Variants in MYH8 observed in about 807,000 individuals in gnomAD.
MYH8 encodes the protein myosin-8.
In MYH8, 168 loss-of-function variants were observed where a neutral mutation model predicts 233.2. The ratio of observed to expected loss-of-function variants is 0.72; its 90% confidence interval spans 0.64 to 0.82. The LOEUF is 0.82. MYH8 is among the 40% of genes least tolerant of loss of function. The pLI is 0.00. For synonymous variants in MYH8, 785 were observed against 850.6 expected (o/e 0.92, Z 1.34); for missense variants, 1,995 against 2,327.8 (o/e 0.86, Z 2.94).
At chr17:10,408,262 C>T (rs1002304437) in intron 17 of MYH8, among the ~76,000 whole-genome samples, 1 of 152,014 alleles carries the variant, frequency 6.6e-6, no homozygotes, top group Non-Finnish European at 1.5e-5. Flanking sequence ...TTTTTTCCCA[C>T]AGCTCAGTTA....
At position 10,412,562 on chromosome 17, in the gene MYH8, G is replaced by A. The variant is rs759236418; in HGVS notation, c.1267-43C>T. On this transcript the variant is annotated intron_variant, in intron 13 of 39. Transcript: ENST00000403437. ...TGTTTGTTGGTATTGTTAAAGACAT[G>A]CCATGAAGGCCTGAGATGTGTGTGA... 41 of 1,614,218 alleles carry A rather than the reference G, an allele frequency of 2.5e-5. No individual in the cohort carries two copies. In the South Asian group the frequency reaches 4.2e-4, roughly 16 times the overall value.
At chr17:10,409,217 G>T in intron 16 of MYH8, 53 bp from the exon 17 acceptor site, 1 of 1,612,922 alleles carries the variant, frequency 6.2e-7, no homozygotes. Context: ...AGGCTTATAT[G>T]AACATGTATT....
intron 2 of MYH8, among the ~76,000 whole-genome samples, chr17:10,420,648 A>C (rs866101024): frequency 1.3e-4 from 20 of 152,252 alleles, no homozygotes; most frequent in African/African-American, 4.6e-4. Flanking sequence ...GTGAGAAAAG[A>C]AAGTTTGTCT....
At chr17:10,413,643 T>G (rs1417827525) in intron 12 of MYH8, among the ~76,000 whole-genome samples, 1 of 152,160 alleles carries the variant, frequency 6.6e-6, no homozygotes, top group Non-Finnish European at 1.5e-5. Context: ...AGGAGCACTA[T>G]TATATCTCAT....
intron 22 of MYH8, among the ~76,000 whole-genome samples, chr17:10,404,128 A>T (rs2072166244): frequency 2.0e-5 from 3 of 152,208 alleles, no homozygotes; most frequent in Admixed American, 1.3e-4. Context: ...ATTTAAACAA[A>T]TTCTTCAATC....
rs753703910 is a variant in MYH8 at position 10,400,842 on chromosome 17, A to T, written c.3345+27T>A. The T allele has an allele frequency of 2.5e-6, 4 of 1,613,752 alleles. No homozygotes were observed. The South Asian group carries it at 4.4e-5, about 18-fold the overall frequency. ...CAACTTCAGTGTTTTTTTGGTGTGC[A>T]GAAAAAATAGAGGTGAGATGACTCA... On this transcript the variant is annotated intron_variant, in intron 26 of 39. Coordinates refer to ENST00000403437, the MANE Select transcript of MYH8 (RefSeq NM_002472.3). This position sits in a 1 kb window ranked among gnomAD's most constrained non-coding sequence, Gnocchi z 4.0.
chr17:10,393,758 G>C (rs917184048), intron 35 of MYH8, among the ~76,000 whole-genome samples: 29 of 152,210 alleles, frequency 1.9e-4, no homozygotes, highest in African/African-American at 6.3e-4. Flanking sequence ...AAATGACTAG[G>C]GGGTGCTACT....
intron 34 of MYH8, among the ~76,000 whole-genome samples, chr17:10,394,805 G>A (rs1024475211): frequency 2.6e-5 from 4 of 152,134 alleles, no homozygotes; most frequent in Non-Finnish European, 5.9e-5. Flanking sequence ...TTTTGAAGAA[G>A]GAACAGAGGT....
chr17:10,391,222 A>G (rs1390837673), intron 39 of MYH8, among the ~76,000 whole-genome samples: 1 of 152,200 alleles, frequency 6.6e-6, no homozygotes, highest in Non-Finnish European at 1.5e-5. Context: ...GTGGGGTAAA[A>G]GATTGATGTT....
In MYH8 at chr17:10,398,653, C is replaced by G; in HGVS notation, c.3982-13G>C. 1 of 1,614,140 alleles carries G rather than the reference C, an allele frequency of 6.2e-7. No individual in the cohort carries two copies. The highest frequency in any genetic ancestry group is 8.5e-7 in the Non-Finnish European group (1 of 1,180,032). Reference sequence around the variant, plus strand: ...GGGCGTTCTTGGCCTGCAGAAGTAGCAGTTCAGTGACATAAATTCATGTAT... The same window carrying G: ...GGGCGTTCTTGGCCTGCAGAAGTAGGAGTTCAGTGACATAAATTCATGTAT... On this transcript the variant is annotated splice_polypyrimidine_tract_variant and intron_variant, in intron 29 of 39. Coordinates refer to ENST00000403437, the MANE Select transcript of MYH8 (RefSeq NM_002472.3).
chr17:10,393,005 T>C lies in MYH8; in HGVS notation c.5293-4A>G. ...GCTCCTCAGCCATCATGGCAGCCTA[T>C]TTAGGAAATAAATTAAGAAAGTAAT... is the stretch of plus-strand genomic sequence containing the variant. On this transcript the variant is annotated splice_polypyrimidine_tract_variant and splice_region_variant and intron_variant, in intron 36 of 39. Coordinates refer to ENST00000403437, the MANE Select transcript of MYH8 (RefSeq NM_002472.3). 1 of 1,614,184 alleles carries C rather than the reference T, an allele frequency of 6.2e-7. No homozygotes were observed. The highest frequency in any genetic ancestry group is 8.5e-7 in the Non-Finnish European group (1 of 1,180,036).
In MYH8 at chr17:10,395,268, T is replaced by G. The variant is rs1456156935; in HGVS notation, c.4827A>C (p.Arg1609Ser). The G allele has an allele frequency of 1.2e-6, 2 of 1,614,068 alleles. No individual in the cohort carries two copies. Among genetic ancestry groups the G allele is most frequent in the East Asian group, 2.2e-5 (1 of 44,894 alleles). The change falls in exon 34 of 40, where the codon AGA (arginine) becomes AGC (serine). Residue 1609 changes from arginine (R) to serine (S), a missense_variant. This residue lies in a region of MYH8 where 1,498 missense variants were observed against 1,680.9 expected (regional missense o/e 0.89). Coordinates refer to ENST00000403437, the MANE Select transcript of MYH8 (RefSeq NM_002472.3). ...TGACTCTCAGAGCATCATTTCTGCTTCTAATCTCTGCATCCAGCGTGCTCT... is the reference window on the plus strand; with the variant it reads ...TGACTCTCAGAGCATCATTTCTGCTGCTAATCTCTGCATCCAGCGTGCTCT... ...TMQSTLDAEI[R>S]SRNDALRVKK...
intron 30 of MYH8, among the ~76,000 whole-genome samples, chr17:10,397,266 T>C (rs2072088868): frequency 6.6e-6 from 1 of 152,124 alleles, no homozygotes. Flanking sequence ...TGTATATTTT[T>C]TTTTAAATAG....
Position 10,393,170 on chromosome 17 carries a change from T to C in MYH8, c.5207A>G (p.Asp1736Gly). 6.2e-7 allele frequency: 1 copy of C among 1,614,250 alleles called. No homozygotes were observed. The highest frequency in any genetic ancestry group is 8.5e-7 in the Non-Finnish European group (1 of 1,180,044). The change falls in exon 36 of 40, where the codon GAC (aspartate) becomes GGC (glycine). Residue 1736 changes from aspartate to glycine, a missense_variant. By Grantham distance (94) the Asp-to-Gly change is moderately conservative. Transcript: ENST00000403437. ...CACTTCACTTTGGAGTTGGGAAACG[T>C]CATTTTCTAATTTCTTCTTGGTGTT... Reference protein sequence around the residue: ...LINTKKKLENDVSQLQSEVEE... With the variant: ...LINTKKKLENGVSQLQSEVEE...
intron 21 of MYH8, among the ~76,000 whole-genome samples, chr17:10,405,032 T>C (rs1233140087): frequency 2.0e-5 from 3 of 152,188 alleles, no homozygotes; most frequent in Admixed American, 1.3e-4. Context: ...TGACATAGGT[T>C]GCCTTCTGAA....
Position 10,420,113 on chromosome 17 carries a change from AT to A in MYH8, c.114del (p.Ser39LeufsTer12). 5.0e-6 allele frequency: 8 copies of A among 1,614,254 alleles called. No homozygotes were observed. The highest frequency in any genetic ancestry group is 6.8e-6 in the Non-Finnish European group (8 of 1,180,044). ...TCCTTGGGCTCCGCCACAAAGACAG[AT>A]GTTTTAGCATCAAACGGCTTGTTTT... ...EAQNKPFDAK[T>X]SVFVAEPKES... On this transcript the variant is annotated frameshift_variant, in exon 3 of 40. Coordinates refer to ENST00000403437, the MANE Select transcript of MYH8 (RefSeq NM_002472.3). LOFTEE classifies it high-confidence loss of function.
At chr17:10,394,213 C>A in intron 35 of MYH8, 36 bp downstream of exon 35, 2 of 1,613,054 alleles carry the variant, frequency 1.2e-6, no homozygotes, top group Non-Finnish European at 1.7e-6. Flanking sequence ...CATCAGCTAC[C>A]AGTACACCAG....
chr17:10,415,427 T>C lies in MYH8; in HGVS notation c.649-43A>G. 2 of 1,613,462 alleles carry C rather than the reference T, an allele frequency of 1.2e-6. No homozygotes were observed. The highest frequency in any genetic ancestry group is 1.3e-5 in the African/African-American group (1 of 75,040). On this transcript the variant is annotated intron_variant, in intron 7 of 39. Transcript: ENST00000403437. This position sits in a 1 kb window ranked among gnomAD's most constrained non-coding sequence, Gnocchi z 4.1. ...GTTCTCACATCTGGGACTCCAGATG[T>C]CTGAGAGCCTTGACAGAGGTTTTGA...
Position 10,417,605 on chromosome 17 carries a change from TGGGGAGCGG to T in MYH8, c.511+1031_511+1039del, listed in dbSNP as rs1238203489. 2.0e-5 allele frequency among the ~76,000 whole-genome samples: 3 copies of T among 152,256 alleles called. No individual in the cohort carries two copies. In the East Asian group the frequency reaches 5.8e-4, roughly 29 times the overall value. On this transcript the variant is annotated intron_variant, in intron 5 of 39. Coordinates refer to ENST00000403437, the MANE Select transcript of MYH8 (RefSeq NM_002472.3). The surrounding 1 kb of genome is among the most constrained non-coding windows in gnomAD (Gnocchi z 4.1). ...TTGAATTTGGAGCAGCCCCAAACCC[TGGGGAGCGG>T]GGGGCTTGCTGAGTGGGAGGACAGG...
Sources: allele counts gnomAD v4.1 joint callset (sites outside exome capture counted in the v4.1 genomes callset), GRCh38; gene constraint gnomAD v4.1.1; regional missense constraint gnomAD v4.1.1; non-coding constraint Gnocchi (gnomAD v3.1); transcripts MANE v1.5; gene names NCBI Gene and HGNC (gene_info 2026-07-23, HGNC 2026-07-21).